The following KIAA1958 variants were observed in gnomAD, a reference collection of about 807,000 sequenced individuals.
The protein encoded by KIAA1958 is KIAA1958.
Under a neutral mutation model 47.2 loss-of-function variants are expected in KIAA1958, and 14 were observed. That is an observed-to-expected ratio of 0.30 (90% confidence interval 0.20 to 0.46). The LOEUF is 0.46. Ranked by LOEUF, KIAA1958 falls within the 20% of genes least tolerant of loss-of-function variation. The probability of loss-of-function intolerance (pLI) is 1.00; values close to 1 mark genes in which losing one functional copy is unlikely to be tolerated. For missense variants in KIAA1958, 803 were observed against 909.2 expected, an observed-to-expected ratio of 0.88 and a Z score of 1.50; for synonymous variants, 354 against 353.3, an observed-to-expected ratio of 1.00 and a Z score of -0.02.
rs76594984 is a variant in KIAA1958, at chr9:112,645,219, A to G, written c.1172-431A>G. 5.0e-4 allele frequency among the ~76,000 whole-genome samples: 76 copies of G among 152,196 alleles called. No homozygotes were observed. In the East Asian group the frequency reaches 0.014, roughly 29 times the overall value. ...AGACATTTGAAAATGTAAATTACAA[A>G]TAAATGATAGGTCTTCATGTGCTAA... On this transcript the variant is annotated intron_variant, in intron 2 of 3. Transcript: ENST00000337530.
intron 1 of KIAA1958, among the ~76,000 whole-genome samples, chr9:112,564,559 C>CT (rs1334171068): frequency 1.3e-5 from 2 of 151,846 alleles, no homozygotes; most frequent in African/African-American, 4.8e-5. Flanking sequence ...CCTTTCATAC[C>CT]TTTTTTTTCT....
intron 2 of KIAA1958, among the ~76,000 whole-genome samples, chr9:112,608,488 G>C (rs1237048908): frequency 6.6e-6 from 1 of 152,154 alleles, no homozygotes; most frequent in Non-Finnish European, 1.5e-5. Flanking sequence ...AAAATATGCT[G>C]TATAAAAATA....
intron 1 of KIAA1958, among the ~76,000 whole-genome samples, chr9:112,553,142 C>G (rs1835184775): frequency 1.4e-5 from 2 of 145,128 alleles, no homozygotes; most frequent in African/African-American, 5.1e-5. Context: ...CTCCCCTCCC[C>G]TCTGCTCCCC....
At chr9:112,523,549 C>T (rs1834591038) in intron 1 of KIAA1958, among the ~76,000 whole-genome samples, 1 of 152,150 alleles carries the variant, frequency 6.6e-6, no homozygotes, top group African/African-American at 2.4e-5. Context: ...TGGTCTCTGG[C>T]CTAGAATTTC....
chr9:112,627,588 T>C (rs1027093081), intron 2 of KIAA1958, among the ~76,000 whole-genome samples: 1 of 152,102 alleles, frequency 6.6e-6, no homozygotes, highest in Non-Finnish European at 1.5e-5. Flanking sequence ...GCCCAGTCTC[T>C]ACTAAAAATA....
At chr9:112,651,376 T>A (rs914906620) in intron 3 of KIAA1958, among the ~76,000 whole-genome samples, 1 of 146,706 alleles carries the variant, frequency 6.8e-6, no homozygotes, top group Non-Finnish European at 1.5e-5. Flanking sequence ...ATATTTTTTA[T>A]ATTTCTCTAT....
At chr9:112,609,572 G>A (rs1423881162) in intron 2 of KIAA1958, among the ~76,000 whole-genome samples, 1 of 152,110 alleles carries the variant, frequency 6.6e-6, no homozygotes, top group South Asian at 2.1e-4. Context: ...TGTTTTTTGA[G>A]ATAGGGTCTC....
chr9:112,597,865 T>C (rs560732540), intron 2 of KIAA1958, among the ~76,000 whole-genome samples: 1 of 152,358 alleles, frequency 6.6e-6, no homozygotes, highest in South Asian at 2.1e-4. Flanking sequence ...TCTTTTCTGA[T>C]AATCAAGTTA....
At chr9:112,599,101 A>G (rs1330352061) in intron 2 of KIAA1958, among the ~76,000 whole-genome samples, 2 of 152,196 alleles carry the variant, frequency 1.3e-5, no homozygotes, top group African/African-American at 4.8e-5. Context: ...ATTTTAAATT[A>G]AAATTTTGCA....
intron 1 of KIAA1958, among the ~76,000 whole-genome samples, chr9:112,515,206 A>G (rs1395270734): frequency 5.2e-5 from 3 of 57,538 alleles, no homozygotes; most frequent in Admixed American, 1.7e-4. Flanking sequence ...GTCCGGGAGG[A>G]AGGTGGGGGG....
chr9:112,586,812 C>G (rs1426715130), intron 2 of KIAA1958, among the ~76,000 whole-genome samples: 1 of 152,156 alleles, frequency 6.6e-6, no homozygotes, highest in Non-Finnish European at 1.5e-5. Flanking sequence ...AGGTGTTGAC[C>G]TTTCTAGCTT....
chr9:112,535,225 A>G (rs1834832251), intron 1 of KIAA1958, among the ~76,000 whole-genome samples: 1 of 152,086 alleles, frequency 6.6e-6, no homozygotes, highest in Non-Finnish European at 1.5e-5. Context: ...ATATCCTTTG[A>G]CCACCATTTT....
At chr9:112,578,368 G>A (rs1835685060) in intron 2 of KIAA1958, among the ~76,000 whole-genome samples, 1 of 152,158 alleles carries the variant, frequency 6.6e-6, no homozygotes, top group African/African-American at 2.4e-5. Context: ...AATATGTAAA[G>A]CGTACTTGGG....
intron 2 of KIAA1958, among the ~76,000 whole-genome samples, chr9:112,643,942 C>A (rs147815319): frequency 6.6e-6 from 1 of 152,182 alleles, no homozygotes; most frequent in Non-Finnish European, 1.5e-5. Context: ...CTTTGGGAGG[C>A]GGAGGTGGGC....
intron 2 of KIAA1958, among the ~76,000 whole-genome samples, chr9:112,630,157 A>G (rs1343210933): frequency 6.6e-6 from 1 of 152,208 alleles, no homozygotes; most frequent in African/African-American, 2.4e-5. Context: ...GGTAGCAACA[A>G]TCCTTTAGTA....
At chr9:112,626,227 T>A (rs1434488984) in intron 2 of KIAA1958, among the ~76,000 whole-genome samples, 1 of 152,216 alleles carries the variant, frequency 6.6e-6, no homozygotes, top group Admixed American at 6.5e-5. Flanking sequence ...AAATTATTTG[T>A]ATTTCTCATC....
intron 2 of KIAA1958, among the ~76,000 whole-genome samples, chr9:112,601,767 T>G (rs1449946403): frequency 6.6e-6 from 1 of 152,182 alleles, no homozygotes; most frequent in African/African-American, 2.4e-5. Context: ...TTTTCTAAAT[T>G]TTTATTAAGG....
At chr9:112,567,116 C>T (rs1835439360) in intron 1 of KIAA1958, among the ~76,000 whole-genome samples, 1 of 152,070 alleles carries the variant, frequency 6.6e-6, no homozygotes, top group Admixed American at 6.6e-5. Flanking sequence ...AAGGATTATA[C>T]TCTAAGGTGT....
chr9:112,603,148 A>G (rs1349615852), intron 2 of KIAA1958, among the ~76,000 whole-genome samples: 2 of 152,220 alleles, frequency 1.3e-5, no homozygotes, highest in Non-Finnish European at 2.9e-5. Context: ...AAATAGATGT[A>G]TGGAAGAACT....
Sources: gnomAD v4.1 joint callset for allele counts (sites outside exome capture counted in the v4.1 genomes callset) on GRCh38, gnomAD v4.1.1 for gene constraint, MANE v1.5 for transcripts, NCBI Gene and HGNC (gene_info 2026-07-23, HGNC 2026-07-21) for gene names.